Variants in RNF213 observed in about 807,000 individuals in gnomAD.
The protein encoded by RNF213 is ring finger protein 213.
Under a neutral mutation model 514.4 loss-of-function variants are expected in RNF213, and 341 were observed. That is an observed-to-expected ratio of 0.66 (90% CI 0.61 to 0.73). RNF213 has a LOEUF of 0.73. RNF213 is among the 30% of genes least tolerant of loss of function. The pLI is 0.00. For synonymous variants in RNF213, 2,655 were observed against 2,658.2 expected (o/e 1.00, Z 0.04); for missense variants, 5,767 against 6,615.6 (o/e 0.87, Z 4.45).
chr17:80,391,427 C>A (rs901959068), intron 67 of RNF213, among the ~76,000 whole-genome samples: 10 of 152,120 alleles, frequency 6.6e-5, no homozygotes, highest in Non-Finnish European at 1.3e-4. Flanking sequence ...CCAACCATCA[C>A]GCCCAGCTAA....
In RNF213 at chr17:80,345,157, G is replaced by A. The variant is rs778242712; in HGVS notation, c.6822G>A (p.Pro2274=). ...CACTCCACACCTCTGACCAAAGCCCGGGGAAGCACATGGTCACCATGGATG... is the reference window on the plus strand; with the variant it reads ...CACTCCACACCTCTGACCAAAGCCCAGGGAAGCACATGGTCACCATGGATG... ...TPSLHTSDQS[P]GKHMVTMDGV... The change falls in exon 29 of 68, where the codon CCG becomes CCA. Residue 2274 remains proline (P), a synonymous_variant. Transcript: ENST00000582970. This position sits in a 1 kb window ranked among gnomAD's most constrained non-coding sequence, Gnocchi z 6.0. 18 of 1,614,060 alleles carry A rather than the reference G, an allele frequency of 1.1e-5. No individual in the cohort carries two copies. Among genetic ancestry groups the A allele is most frequent in the Middle Eastern group, 1.6e-4 (1 of 6,062 alleles).
chr17:80,333,947 A>G (rs766159397), intron 21 of RNF213, 158 bp from the exon 22 acceptor site: 13 of 727,158 alleles, frequency 1.8e-5, no homozygotes, highest in East Asian at 2.7e-5. Context: ...TTGATCATCC[A>G]ATTCAGGGGT....
rs768806630 is a variant in RNF213, at chr17:80,319,302, C to G, written c.3014C>G (p.Ser1005Ter). Residue 1005 changes from serine to a stop codon, truncating the protein, a stop_gained, in exon 17 of 68, where the codon TCA (serine) becomes TGA (stop). Coordinates refer to ENST00000582970, the MANE Select transcript of RNF213 (RefSeq NM_001256071.3). LOFTEE classifies it high-confidence loss of function. Reference sequence around the variant, plus strand: ...AAATGCATCATTGAAGCCGTGAGCTCAGCCTGCCAGGTGAACAATCTCTCC... The same window carrying G: ...AAATGCATCATTGAAGCCGTGAGCTGAGCCTGCCAGGTGAACAATCTCTCC... The part of the protein sequence containing the change: ...FEKCIIEAVS[S>*]ACQSQTSILQ... 1 of 1,614,156 alleles carries G rather than the reference C, an allele frequency of 6.2e-7. No homozygotes were observed. The highest frequency in any genetic ancestry group is 1.1e-5 in the South Asian group (1 of 91,078).
intron 40 of RNF213, 124 bp from the exon 41 acceptor site, chr17:80,363,485 C>T (rs190562417): frequency 1.6e-6 from 2 of 1,272,794 alleles, no homozygotes; most frequent in East Asian, 2.4e-5. Flanking sequence ...TTCTCACATC[C>T]TAGACAATGA....
At chr17:80,363,402 A>G in intron 40 of RNF213, 88 bp downstream of exon 40, 1 of 1,399,836 alleles carries the variant, frequency 7.1e-7, no homozygotes, top group Non-Finnish European at 1.0e-6. Context: ...GCTGTGTTCC[A>G]AGTGGGAGAT....
chr17:80,290,441 ATG>A lies in RNF213; in HGVS notation c.1113-120_1113-119del, dbSNP rs528062047. Reference sequence around the variant, plus strand: ...TGTGTGCGAGTGTGCGCGTGTGTGCATGTGTGTGTGCGAGTGCATGTGTGTGT... The same window carrying A: ...TGTGTGCGAGTGTGCGCGTGTGTGCATGTGTGTGCGAGTGCATGTGTGTGT... On this transcript the variant is annotated intron_variant, in intron 6 of 67. Transcript: ENST00000582970. 622 of 1,093,346 alleles carry A rather than the reference ATG, an allele frequency of 5.7e-4. 1 individual carries two copies. The highest frequency in any genetic ancestry group is 2.6e-3 in the African/African-American group (152 of 59,500). 67.7% of individuals were successfully genotyped at this position (1,093,346 alleles called of 1,614,324 possible).
Position 80,345,616 on chromosome 17 carries a change from C to G in RNF213, c.7281C>G (p.Thr2427=), listed in dbSNP as rs758223575. 6.2e-7 allele frequency: 1 copy of G among 1,614,070 alleles called. No homozygotes were observed. The highest frequency in any genetic ancestry group is 8.5e-7 in the Non-Finnish European group (1 of 1,179,980). ...IIMGETGCGK[T]RLIKFLSDLR... ...TGGGAGAAACTGGCTGTGGGAAAAC[C>G]AGGCTTATTAAATTCCTTAGCGACC... Residue 2427 remains threonine, a synonymous_variant, in exon 29 of 68, where the codon ACC becomes ACG. Coordinates refer to ENST00000582970, the MANE Select transcript of RNF213 (RefSeq NM_001256071.3). This position sits in a 1 kb window ranked among gnomAD's most constrained non-coding sequence, Gnocchi z 6.0.
Position 80,282,341 on chromosome 17 carries a change from T to G in RNF213, c.262-5474T>G, listed in dbSNP as rs573763625. Among the ~76,000 whole-genome samples the G allele has an allele frequency of 4.6e-5, 7 of 152,358 alleles. No individual in the cohort carries two copies. In the East Asian group the frequency reaches 1.3e-3, roughly 29 times the overall value. The stretch of plus-strand genomic sequence containing the variant: ...GTCTGTGGTTGGCTGAATCTGTGGC[T>G]GCAGAGGGCCGACTGTATACCAGCT... On this transcript the variant is annotated intron_variant, in intron 3 of 67. Transcript: ENST00000582970.
chr17:80,382,995 C>T lies in RNF213; in HGVS notation c.13995C>T (p.Asp4665=). The change falls in exon 58 of 68, where the codon GAC becomes GAT. Residue 4665 remains aspartate (D), a synonymous_variant. Transcript: ENST00000582970. ...TTTTTGTAGGGCTTTTAAATTTTGA[C>T]ACAGAATTGTCAACTAAAGAAATGA... The part of the protein sequence containing the change: ...QLSSRRLLNF[D]TELSTKEMRN... 3 of 1,613,506 alleles carry T rather than the reference C, an allele frequency of 1.9e-6. No individual in the cohort carries two copies. The highest frequency in any genetic ancestry group is 1.7e-6 in the Non-Finnish European group (2 of 1,179,522).
intron 6 of RNF213, 65 bp from the exon 7 acceptor site, chr17:80,290,505 G>A (rs1332261494): frequency 2.5e-6 from 4 of 1,593,884 alleles, no homozygotes; most frequent in Non-Finnish European, 3.4e-6. Flanking sequence ...GTGCGCGTGT[G>A]TGCATGCACA....
At chr17:80,308,882 G>A in intron 13 of RNF213, 136 bp from the exon 14 acceptor site, 1 of 1,036,542 alleles carries the variant, frequency 9.6e-7, no homozygotes, top group South Asian at 1.3e-5. Flanking sequence ...AGATTTTCCA[G>A]ACGTTAACCT....
At chr17:80,268,358 A>G (rs995694422) in intron 2 of RNF213, among the ~76,000 whole-genome samples, 2 of 128,436 alleles carry the variant, frequency 1.6e-5, no homozygotes, top group South Asian at 2.6e-4. Flanking sequence ...GTCTCAGAAA[A>G]AAAAAAAAAA....
At chr17:80,327,229 G>C (rs1431477325) in intron 18 of RNF213, among the ~76,000 whole-genome samples, 4 of 152,230 alleles carry the variant, frequency 2.6e-5, no homozygotes, top group African/African-American at 7.2e-5. Context: ...CATGTGAGGT[G>C]GTTCATGCGT....
At position 80,345,838 on chromosome 17, in the gene RNF213, C is replaced by T. The variant is rs919555681; in HGVS notation, c.7503C>T (p.Val2501=). 1.2e-6 allele frequency: 2 copies of T among 1,614,130 alleles called. No homozygotes were observed. The highest frequency in any genetic ancestry group is 1.7e-6 in the Non-Finnish European group (2 of 1,180,042). The change falls in exon 29 of 68, where the codon GTC becomes GTT. Residue 2501 remains valine (V), a synonymous_variant. Transcript: ENST00000582970. The surrounding 1 kb of genome is among the most constrained non-coding windows in gnomAD (Gnocchi z 6.0). Reference sequence around the variant, plus strand: ...AAGCTATAAGCTGTATCAAAGAAGTCCTGTGTGATCATATGGTGGATGGCC... The same window carrying T: ...AAGCTATAAGCTGTATCAAAGAAGTTCTGTGTGATCATATGGTGGATGGCC... ...TTEAISCIKE[V]LCDHMVDGQP...
intron 15 of RNF213, among the ~76,000 whole-genome samples, chr17:80,313,557 A>G (rs62076496): frequency 8.1e-6 from 1 of 123,258 alleles, no homozygotes; most frequent in South Asian, 2.7e-4. Context: ...AATGGAGGTG[A>G]TGGTGGTGAT....
intron 1 of RNF213, among the ~76,000 whole-genome samples, chr17:80,262,903 G>C (rs974317713): frequency 6.6e-6 from 1 of 152,194 alleles, no homozygotes; most frequent in Non-Finnish European, 1.5e-5. Flanking sequence ...CACTGCCCCA[G>C]TGGAGTTCTT....
chr17:80,307,578 T>G (rs183719984), intron 13 of RNF213, among the ~76,000 whole-genome samples: 36 of 151,694 alleles, frequency 2.4e-4, no homozygotes, highest in African/African-American at 8.7e-4. Context: ...AGATGGAGTC[T>G]CACTCTTGTT....
chr17:80,351,928 C>G (rs2078535192), intron 32 of RNF213, 125 bp downstream of exon 32: 1 of 606,528 alleles, frequency 1.6e-6, no homozygotes, highest in African/African-American at 1.9e-5. Context: ...GATCTCAGCT[C>G]ACTACAACCT....
In RNF213 at chr17:80,389,254, G is replaced by C. The variant is rs8072774; in HGVS notation, c.15082G>C (p.Val5028Leu). The C allele has an allele frequency of 1.6e-5, 26 of 1,614,110 alleles. No homozygotes were observed. Among genetic ancestry groups the C allele is most frequent in the Non-Finnish European group, 2.0e-5 (24 of 1,180,004 alleles). Reference protein sequence around the residue: ...YSDACEVLSVVEVTLGFLSTA... With the variant: ...YSDACEVLSVLEVTLGFLSTA... ...CGATGCCTGTGAAGTGCTGTCTGTCGTAGAAGTCACTCTGGGGTTTCTGAG... is the reference window on the plus strand; with the variant it reads ...CGATGCCTGTGAAGTGCTGTCTGTCCTAGAAGTCACTCTGGGGTTTCTGAG... Residue 5028 changes from valine (V) to leucine (L), a missense_variant, in exon 65 of 68, where the codon GTA becomes CTA. Physicochemically the swap from Val to Leu is conservative, Grantham distance 32. Around this residue, in one of 13 missense-constraint regions of RNF213, gnomAD observed 1,245 missense variants for 1,339.0 expected, o/e 0.93. Coordinates refer to ENST00000582970, the MANE Select transcript of RNF213 (RefSeq NM_001256071.3).
Sources: allele counts gnomAD v4.1 joint callset (sites outside exome capture counted in the v4.1 genomes callset), GRCh38; gene constraint gnomAD v4.1.1; regional missense constraint gnomAD v4.1.1; non-coding constraint Gnocchi (gnomAD v3.1); transcripts MANE v1.5; gene names NCBI Gene and HGNC (gene_info 2026-07-23, HGNC 2026-07-21).